Variants in PICALM observed in about 807,000 individuals in gnomAD.
PICALM encodes the protein phosphatidylinositol-binding clathrin assembly protein.
PICALM carries 40 observed loss-of-function variants against 80.5 expected under a neutral mutation model. That is an observed-to-expected ratio of 0.50 (90% CI 0.39 to 0.65). The LOEUF is 0.65. Ranked by LOEUF, PICALM falls within the 30% of genes least tolerant of loss-of-function variation. PICALM has a pLI of 0.00. For missense variants in PICALM, 676 were observed against 778.9 expected (o/e 0.87, Z 1.57); for synonymous variants, 288 against 260.3 (o/e 1.11, Z -1.02).
In PICALM at chr11:85,958,478, T is replaced by C. The variant is rs781050195; in HGVS notation, c.*568A>G. The C allele has an allele frequency of 2.9e-5, 6 of 209,502 alleles. No individual in the cohort carries two copies. Among genetic ancestry groups the C allele is most frequent in the Non-Finnish European group, 3.9e-5 (4 of 102,808 alleles). The allele number at this position is 209,502 out of a possible 1,614,324, so 13.0% of individuals were successfully genotyped here. A position where few individuals can be genotyped will look rare whatever the true frequency, so the allele number is the denominator to read the frequency against. On this transcript the variant is annotated 3_prime_UTR_variant, in exon 20 of 20. Transcript: ENST00000393346. ...GAGGTCTGATACAATATTAATGTTA[T>C]GTAAAATTGATAATCATAAATAAAT...
At chr11:85,977,958 T>C (rs1342144688) in intron 17 of PICALM, 3 of 803,530 alleles carry the variant, frequency 3.7e-6, no homozygotes, top group African/African-American at 3.4e-5. Flanking sequence ...TCTGGCACAT[T>C]GAAAATCTGA....
At chr11:85,969,779 A>T in intron 19 of PICALM, 1 of 232,798 alleles carries the variant, frequency 4.3e-6, no homozygotes, top group Non-Finnish European at 9.0e-6. Flanking sequence ...TCAGCCTCCC[A>T]AAGTGCTAGT....
intron 1 of PICALM, among the ~76,000 whole-genome samples, chr11:86,032,848 C>G (rs554573105): frequency 2.6e-5 from 4 of 152,118 alleles, no homozygotes; most frequent in Non-Finnish European, 4.4e-5. Flanking sequence ...GCCTTGATTG[C>G]TAGCAAGAAA....
chr11:86,065,436 C>T lies in PICALM; in HGVS notation c.130+3215G>A, dbSNP rs1047569296. Among the ~76,000 whole-genome samples the T allele has an allele frequency of 6.1e-5, 9 of 147,956 alleles. No individual in the cohort carries two copies. The South Asian group carries it at 1.0e-3, about 17-fold the overall frequency. On this transcript the variant is annotated intron_variant, in intron 1 of 19. Coordinates refer to ENST00000393346, the MANE Select transcript of PICALM (RefSeq NM_007166.4). The stretch of plus-strand genomic sequence containing the variant: ...CCAGCCTGGCGACAGAGCGAGACTC[C>T]GTCTCAAAAAAAAAAAAAATTTGTT...
At chr11:85,997,746 C>A (rs1398612127) in intron 11 of PICALM, among the ~76,000 whole-genome samples, 2 of 152,352 alleles carry the variant, frequency 1.3e-5, no homozygotes, top group Admixed American at 1.3e-4. Flanking sequence ...GCTGGGATTA[C>A]AGGCGTGAGC....
At chr11:86,042,200 G>C (rs182621718) in intron 1 of PICALM, among the ~76,000 whole-genome samples, 9 of 152,170 alleles carry the variant, frequency 5.9e-5, no homozygotes. Flanking sequence ...CTCTAAAGTG[G>C]TGATTTTCAA....
chr11:86,036,090 C>T (rs766036757), intron 1 of PICALM, among the ~76,000 whole-genome samples: 1 of 151,788 alleles, frequency 6.6e-6, no homozygotes, highest in Non-Finnish European at 1.5e-5. Flanking sequence ...AAACAAAAAG[C>T]ATATTCATCA....
At chr11:86,069,509 G>T (rs1460300921), upstream of PICALM, 1 of 152,398 alleles carries the variant, frequency 6.6e-6, no homozygotes, top group African/African-American at 2.4e-5. Context: ...GACAAAGGAG[G>T]TGCAGCTGCC....
At chr11:86,037,157 G>A (rs2095856240) in intron 1 of PICALM, among the ~76,000 whole-genome samples, 2 of 150,080 alleles carry the variant, frequency 1.3e-5, no homozygotes, top group Admixed American at 6.6e-5. Flanking sequence ...TGTTGGCCAG[G>A]ATGGTCTCAA....
chr11:85,967,943 A>AACG (rs2093959457), intron 19 of PICALM, among the ~76,000 whole-genome samples: 1 of 151,680 alleles, frequency 6.6e-6, no homozygotes, highest in Non-Finnish European at 1.5e-5. Context: ...CACTGCAAAC[A>AACG]ACAAAAAACA....
intron 12 of PICALM, among the ~76,000 whole-genome samples, chr11:85,991,419 G>C (rs1261274601): frequency 6.6e-6 from 1 of 151,794 alleles, no homozygotes; most frequent in Non-Finnish European, 1.5e-5. Flanking sequence ...TTGTATGATT[G>C]AACATTAAGA....
chr11:86,011,023 A>G lies in PICALM; in HGVS notation c.765+7T>C, dbSNP rs202001461. ...AGTTAGGAGACAGTCACTTAAAGAC[A>G]GTTTACCTCTGCAACTTTGAGGAAC... On this transcript the variant is annotated splice_region_variant and intron_variant, in intron 7 of 19. Coordinates refer to ENST00000393346, the MANE Select transcript of PICALM (RefSeq NM_007166.4). The G allele has an allele frequency of 1.7e-4, 227 of 1,321,896 alleles. 2 individuals are homozygous for G. In the South Asian group the frequency reaches 2.7e-3, roughly 16 times the overall value. The allele number at this position is 1,321,896 out of a possible 1,614,324, so 81.9% of individuals were successfully genotyped here.
chr11:86,012,122 G>C (rs939847886), intron 6 of PICALM, among the ~76,000 whole-genome samples, 159 bp downstream of exon 6: 11 of 152,138 alleles, frequency 7.2e-5, no homozygotes, highest in African/African-American at 2.7e-4. Flanking sequence ...ATCACTTGCA[G>C]AAGTAATTAG....
intron 7 of PICALM, among the ~76,000 whole-genome samples, chr11:86,009,865 C>A (rs1430116849): frequency 6.6e-6 from 1 of 152,144 alleles, no homozygotes; most frequent in African/African-American, 2.4e-5. Flanking sequence ...CCTTAAAAAA[C>A]GGAAAGGATC....
At chr11:85,985,852 G>A (rs1215074999) in intron 13 of PICALM, among the ~76,000 whole-genome samples, 1 of 152,054 alleles carries the variant, frequency 6.6e-6, no homozygotes, top group Non-Finnish European at 1.5e-5. Context: ...TTTAAAATTA[G>A]GCCAATATAT....
At chr11:85,993,033 G>C (rs933943379) in intron 12 of PICALM, among the ~76,000 whole-genome samples, 1 of 150,666 alleles carries the variant, frequency 6.6e-6, no homozygotes, top group Non-Finnish European at 1.5e-5. Flanking sequence ...TAATAATAAC[G>C]CTCCAGCTAT....
At chr11:86,042,714 C>G (rs556589448) in intron 1 of PICALM, among the ~76,000 whole-genome samples, 64 of 151,132 alleles carry the variant, frequency 4.2e-4, no homozygotes, top group African/African-American at 1.5e-3. Flanking sequence ...ACCTCATTTC[C>G]TAAGCAAAAT....
In PICALM at chr11:85,990,383, A is replaced by G. The variant is rs1365217205; in HGVS notation, c.1275T>C (p.Thr425=). The G allele has an allele frequency of 6.2e-7, 1 of 1,605,728 alleles. No individual in the cohort carries two copies. Residue 425 remains threonine (T), a synonymous_variant, in exon 13 of 20, where the codon ACT becomes ACC. Coordinates refer to ENST00000393346, the MANE Select transcript of PICALM (RefSeq NM_007166.4). ...ASTWGDPFSA[T]VDAVDDAIPS... is the part of the protein sequence containing the mutation. ...GAATGGCATCATCAACAGCATCTACAGTAGCAGAGAAAGGATCTGTGCAGT... is the reference window on the plus strand; with the variant it reads ...GAATGGCATCATCAACAGCATCTACGGTAGCAGAGAAAGGATCTGTGCAGT...
At chr11:85,988,830 T>C (rs1365262218) in intron 13 of PICALM, among the ~76,000 whole-genome samples, 2 of 152,226 alleles carry the variant, frequency 1.3e-5, no homozygotes, top group African/African-American at 2.4e-5. Context: ...TAAAAAAACA[T>C]ATTCCGTTTG....
Sources: allele counts gnomAD v4.1 joint callset (sites outside exome capture counted in the v4.1 genomes callset), GRCh38; gene constraint gnomAD v4.1.1; transcripts MANE v1.5; gene names NCBI Gene and HGNC (gene_info 2026-07-23, HGNC 2026-07-21).